CSPP1: variants seen among roughly 807,000 people sequenced by gnomAD.
The protein encoded by CSPP1 is centrosome and spindle pole-associated protein 1.
Under a neutral mutation model 164.4 loss-of-function variants are expected in CSPP1, and 126 were observed. The observed-to-expected ratio is 0.77, with a 90% confidence interval of 0.66 to 0.89. CSPP1 has a LOEUF of 0.89. CSPP1 is among the 40% of genes least tolerant of loss of function. The pLI, the probability that CSPP1 is intolerant of heterozygous loss-of-function variation, is 0.00. For synonymous variants in CSPP1, 472 were observed against 476.7 expected (o/e 0.99, Z 0.13); for missense variants, 1,395 against 1,449.8 (o/e 0.96, Z 0.61).
At position 67,143,804 on chromosome 8, in the gene CSPP1, G is replaced by A. The variant is rs150353456; in HGVS notation, c.1976-5979G>A. Among the ~76,000 whole-genome samples, 29 of 152,268 alleles carry A rather than the reference G, an allele frequency of 1.9e-4. No homozygotes were observed. The East Asian group carries it at 5.0e-3, about 26-fold the overall frequency. ...GTGTGCTTGCTACTGTCTGTAGTCT[G>A]TGTGGTTGCTAAACTCACTTGTTAG... On this transcript the variant is annotated intron_variant, in intron 17 of 30. Coordinates refer to ENST00000678616, the MANE Select transcript of CSPP1 (RefSeq NM_001382391.1).
chr8:67,108,246 A>T (rs1816049139), intron 9 of CSPP1, among the ~76,000 whole-genome samples: 1 of 151,764 alleles, frequency 6.6e-6, no homozygotes, highest in Non-Finnish European at 1.5e-5. Context: ...AGTAAAAAAT[A>T]AAAAAATTAA....
At chr8:67,144,530 C>T (rs1245625242) in intron 17 of CSPP1, among the ~76,000 whole-genome samples, 1 of 152,124 alleles carries the variant, frequency 6.6e-6, no homozygotes, top group Non-Finnish European at 1.5e-5. Context: ...GCCTCGACCT[C>T]CTAGGCCGAA....
At chr8:67,072,883 A>AG (rs1434328222) in intron 1 of CSPP1, among the ~76,000 whole-genome samples, 35 of 150,574 alleles carry the variant, frequency 2.3e-4, no homozygotes, top group African/African-American at 7.1e-4. Context: ...AAAAAAAAAA[A>AG]AAAAAAAGAA....
In CSPP1 at chr8:67,095,652, A is replaced by C. The variant is rs201127853; in HGVS notation, c.843A>C (p.Glu281Asp). 3.7e-6 allele frequency: 6 copies of C among 1,613,292 alleles called. No homozygotes were observed. In the African/African-American group the frequency reaches 6.7e-5, roughly 18 times the overall value. The stretch of plus-strand genomic sequence containing the variant: ...ATCATAGACCAGACCAAGATCCTGA[A>C]GTAAGTGAAGAAATGGATGAGAGGT... ...RRYHRPDQDP[E>D]VSEEMDERFR... The change falls in exon 7 of 31, where the codon GAA (glutamate) becomes GAC (aspartate). Residue 281 changes from glutamate (E) to aspartate (D), a missense_variant. Glu to Asp is a conservative substitution (Grantham distance 45). Coordinates refer to ENST00000678616, the MANE Select transcript of CSPP1 (RefSeq NM_001382391.1).
intron 10 of CSPP1, among the ~76,000 whole-genome samples, chr8:67,112,320 C>A (rs1817029479): frequency 1.5e-5 from 2 of 136,976 alleles, no homozygotes; most frequent in South Asian, 4.6e-4. Flanking sequence ...TCATTGATTT[C>A]TTCAGTTTTT....
intron 28 of CSPP1, among the ~76,000 whole-genome samples, chr8:67,184,013 T>C (rs2129572535): frequency 1.3e-5 from 2 of 152,164 alleles, no homozygotes; most frequent in African/African-American, 4.8e-5. Flanking sequence ...CCACCACGCC[T>C]GGCTAATTTT....
At chr8:67,064,625 C>T in intron 1 of CSPP1, 87 bp downstream of exon 1, 2 of 1,088,100 alleles carry the variant, frequency 1.8e-6, no homozygotes, top group East Asian at 6.7e-5. Context: ...CAGTGGCTCC[C>T]TCGGGGCGTA....
chr8:67,185,863 A>T (rs1405083470), intron 28 of CSPP1, among the ~76,000 whole-genome samples: 1 of 152,244 alleles, frequency 6.6e-6, no homozygotes, highest in Non-Finnish European at 1.5e-5. Flanking sequence ...ACTCAAAAGC[A>T]TCATCAACAC....
intron 4 of CSPP1, among the ~76,000 whole-genome samples, chr8:67,091,257 C>T (rs903873726): frequency 1.3e-5 from 2 of 152,096 alleles, no homozygotes; most frequent in African/African-American, 4.8e-5. Flanking sequence ...GACTGCTAGT[C>T]TAATGCTGCC....
intron 17 of CSPP1, among the ~76,000 whole-genome samples, chr8:67,146,321 A>T (rs1824550742): frequency 6.6e-6 from 1 of 151,752 alleles, no homozygotes; most frequent in South Asian, 2.1e-4. Flanking sequence ...ACAGGGTCTC[A>T]CTTTTTTGCC....
At chr8:67,159,942 CTTCCTTCCTTCCTTCTTTCTTTTCTT>C (rs1242264345) in intron 21 of CSPP1, among the ~76,000 whole-genome samples, 12 of 34,430 alleles carry the variant, frequency 3.5e-4, no homozygotes, top group Non-Finnish European at 6.1e-4. Context: ...TCCTTCCTTC[CTTCCTTCCTTCCTTCTTTCTTTTCTT>C]TTCTTTTCTT....
At chr8:67,125,724 C>T (rs1819925991) in intron 15 of CSPP1, among the ~76,000 whole-genome samples, 1 of 151,974 alleles carries the variant, frequency 6.6e-6, no homozygotes, top group South Asian at 2.1e-4. Context: ...GCTCTTGGCT[C>T]CCTTTTCTTT....
rs1222359493 is a variant in CSPP1 at position 67,193,542 on chromosome 8, G to A, written c.3409G>A (p.Val1137Met). Residue 1137 changes from valine to methionine, a missense_variant, in exon 30 of 31, where the codon GTG becomes ATG. Val to Met is a conservative substitution (Grantham distance 21, BLOSUM62 1). Coordinates refer to ENST00000678616, the MANE Select transcript of CSPP1 (RefSeq NM_001382391.1). ...ISSVNVDELR[V>M]RNEERMRRLN... Reference sequence around the variant, plus strand: ...CAGTGTAAATGTTGATGAGCTTAGAGTGAGAAATGAGGAACGAATGCGAAG... The same window carrying A: ...CAGTGTAAATGTTGATGAGCTTAGAATGAGAAATGAGGAACGAATGCGAAG... 1.9e-6 allele frequency: 3 copies of A among 1,613,742 alleles called. No homozygotes were observed. The highest frequency in any genetic ancestry group is 2.2e-5 in the East Asian group (1 of 44,888).
At chr8:67,144,328 T>TA (rs1824062125) in intron 17 of CSPP1, among the ~76,000 whole-genome samples, 1 of 152,214 alleles carries the variant, frequency 6.6e-6, no homozygotes, top group African/African-American at 2.4e-5. Context: ...AGTATTTTGT[T>TA]AGAGATTTTT....
intron 28 of CSPP1, among the ~76,000 whole-genome samples, chr8:67,187,019 T>TA (rs1834861376): frequency 4.0e-5 from 6 of 150,170 alleles, no homozygotes; most frequent in Non-Finnish European, 5.9e-5. Flanking sequence ...CTATCTAATC[T>TA]ATCTATCTAG....
At chr8:67,188,796 T>G (rs1050629204) in intron 28 of CSPP1, among the ~76,000 whole-genome samples, 46 of 152,310 alleles carry the variant, frequency 3.0e-4, no homozygotes, top group African/African-American at 1.1e-3. Flanking sequence ...TTGCCATTGT[T>G]CCTGCACGGC....
chr8:67,111,944 A>T (rs751220768), intron 9 of CSPP1, 28 bp from the exon 10 acceptor site: 2 of 1,407,780 alleles, frequency 1.4e-6, no homozygotes, highest in East Asian at 4.6e-5. Flanking sequence ...AAGAGTTAAG[A>T]TTGTATTTTT....
rs758860786 is a variant in CSPP1 at position 67,159,957 on chromosome 8, CTTTCTTTTCT to C, written c.2538+889_2538+898del. Reference sequence around the variant, plus strand: ...TCCTTCCTTCCTTCCTTCCTTCCTTCTTTCTTTTCTTTTCTTTTCTTTTCTTTTCTTTTCT... The same window carrying C: ...TCCTTCCTTCCTTCCTTCCTTCCTTCTTTCTTTTCTTTTCTTTTCTTTTCT... On this transcript the variant is annotated intron_variant, in intron 21 of 30. Coordinates refer to ENST00000678616, the MANE Select transcript of CSPP1 (RefSeq NM_001382391.1). Among the ~76,000 whole-genome samples, 190 of 20,002 alleles carry C rather than the reference CTTTCTTTTCT, an allele frequency of 9.5e-3. 4 individuals are homozygous for C. The highest frequency in any genetic ancestry group is 0.013 in the Admixed American group (23 of 1,716). 13.1% of individuals were successfully genotyped at this position (20,002 alleles called of 152,430 possible).
intron 4 of CSPP1, among the ~76,000 whole-genome samples, chr8:67,090,673 T>C (rs1476278278): frequency 6.6e-6 from 1 of 152,214 alleles, no homozygotes; most frequent in African/African-American, 2.4e-5. Context: ...AGTTAATACG[T>C]TGTTTTGCGG....
Sources: gnomAD v4.1 joint callset for allele counts (sites outside exome capture counted in the v4.1 genomes callset) on GRCh38, gnomAD v4.1.1 for gene constraint, MANE v1.5 for transcripts, NCBI Gene and HGNC (gene_info 2026-07-23, HGNC 2026-07-21) for gene names.